RACGAP1: variants seen among roughly 807,000 people sequenced by gnomAD.
The protein encoded by RACGAP1 is rac GTPase-activating protein 1.
RACGAP1 carries 30 observed loss-of-function variants against 78.1 expected under a neutral mutation model. The observed-to-expected ratio is 0.38, with a 90% CI of 0.29 to 0.52. The LOEUF is 0.52. Ranked by LOEUF, RACGAP1 falls within the 20% of genes least tolerant of loss-of-function variation. The pLI is 0.82. For synonymous variants in RACGAP1, 231 were observed against 264.8 expected, an observed-to-expected ratio of 0.87 and a Z score of 1.24; for missense variants, 587 against 777.1, an observed-to-expected ratio of 0.76 and a Z score of 2.91.
At chr12:49,991,670 G>A (rs1345575574) in intron 15 of RACGAP1, among the ~76,000 whole-genome samples, 1 of 150,126 alleles carries the variant, frequency 6.7e-6, no homozygotes, top group African/African-American at 2.4e-5. Flanking sequence ...TGTATTTTTA[G>A]TAGAGATGGG....
intron 3 of RACGAP1, among the ~76,000 whole-genome samples, chr12:50,006,107 A>G (rs1948958956): frequency 6.6e-6 from 1 of 152,220 alleles, no homozygotes; most frequent in African/African-American, 2.4e-5. Context: ...TAAACAATGA[A>G]GGATGGCCAA....
At chr12:50,024,030 G>C (rs1950148069) in intron 1 of RACGAP1, among the ~76,000 whole-genome samples, 1 of 151,922 alleles carries the variant, frequency 6.6e-6, no homozygotes, top group Non-Finnish European at 1.5e-5. Context: ...GCGTGGTGAC[G>C]GGCCCCTATA....
chr12:50,019,514 GTGTAATATAGTTTAAAGCAAAA>G (rs1949878727), intron 1 of RACGAP1, among the ~76,000 whole-genome samples: 2 of 152,048 alleles, frequency 1.3e-5, no homozygotes, highest in African/African-American at 4.8e-5. Flanking sequence ...CAACATCAAC[GTGTAATATAGTTTAAAGCAAAA>G]AGAACAGTTA....
intron 12 of RACGAP1, 78 bp downstream of exon 12, chr12:49,994,053 A>C: frequency 2.2e-6 from 3 of 1,356,412 alleles, no homozygotes; most frequent in Non-Finnish European, 3.0e-6. Context: ...AAAATAAAAA[A>C]TAAATAAAAA....
chr12:49,998,092 G>C (rs1948426272), intron 9 of RACGAP1, among the ~76,000 whole-genome samples: 1 of 152,082 alleles, frequency 6.6e-6, no homozygotes, highest in African/African-American at 2.4e-5. Flanking sequence ...GAAAGAACTT[G>C]TTTACAAAGA....
In RACGAP1 at chr12:49,989,593, C is replaced by G. The variant is rs1202701677; in HGVS notation, c.*675G>C. On this transcript the variant is annotated 3_prime_UTR_variant, in exon 17 of 17. Transcript: ENST00000312377. The stretch of plus-strand genomic sequence containing the variant: ...ACCCAAAGTTCAGCCAGCAGCACAT[C>G]AGAGATAAATACGAGTTGTACTTTC... 1 of 152,154 alleles carries G rather than the reference C, an allele frequency of 6.6e-6. No homozygotes were observed. Among genetic ancestry groups the G allele is most frequent in the Non-Finnish European group, 1.5e-5 (1 of 68,032 alleles). 9.4% of individuals were successfully genotyped at this position (152,154 alleles called of 1,614,324 possible). A position where few individuals can be genotyped will look rare whatever the true frequency, so the allele number is the denominator to read the frequency against.
At chr12:50,009,717 C>T (rs1468076634) in intron 2 of RACGAP1, among the ~76,000 whole-genome samples, 16 of 152,162 alleles carry the variant, frequency 1.1e-4, no homozygotes, top group Admixed American at 1.0e-3. Flanking sequence ...ATCAAACTTA[C>T]CTCCCACCAC....
At chr12:50,015,891 T>C (rs1375076065) in intron 2 of RACGAP1, among the ~76,000 whole-genome samples, 2 of 150,868 alleles carry the variant, frequency 1.3e-5, no homozygotes, top group African/African-American at 2.4e-5. Flanking sequence ...CAGAATGAGA[T>C]TCTTAAAAAA....
At chr12:49,998,717 AGCAAGACCAAGTCTC>A (rs2137330030) in intron 9 of RACGAP1, among the ~76,000 whole-genome samples, 1 of 152,148 alleles carries the variant, frequency 6.6e-6, no homozygotes, top group East Asian at 1.9e-4. Flanking sequence ...TGAGCAACAT[AGCAAGACCAAGTCTC>A]TACAAAAAAT....
rs1193565710 is a variant in RACGAP1, at chr12:49,994,160, C to T, written c.1310G>A (p.Arg437His). ...RNLKEPLLTF[R>H]LNRAFMEAAE... ...TGCTTCCATAAAGGCTCTGTTAAGG[C>T]GAAAGGTCAGAAGAGGTTCTTTGAG... is the stretch of plus-strand genomic sequence containing the variant. Residue 437 changes from arginine to histidine, a missense_variant, in exon 12 of 17, where the codon CGC becomes CAC. Coordinates refer to ENST00000312377, the MANE Select transcript of RACGAP1 (RefSeq NM_001319999.2). 1 of 1,613,156 alleles carries T rather than the reference C, an allele frequency of 6.2e-7. No individual in the cohort carries two copies. Among genetic ancestry groups the T allele is most frequent in the Admixed American group, 1.7e-5 (1 of 60,008 alleles).
At chr12:50,005,606 G>A (rs913021183) in intron 3 of RACGAP1, among the ~76,000 whole-genome samples, 46 of 152,140 alleles carry the variant, frequency 3.0e-4, no homozygotes, top group African/African-American at 1.1e-3. Flanking sequence ...CTAGAACAGC[G>A]AAGTTTCTGC....
intron 1 of RACGAP1, among the ~76,000 whole-genome samples, chr12:50,024,106 A>C (rs956959086): frequency 6.6e-6 from 1 of 152,074 alleles, no homozygotes; most frequent in African/African-American, 2.4e-5. Context: ...GCTTGCAGTG[A>C]GCCGAGATCG....
rs1168971958 is a variant in RACGAP1, at chr12:49,992,621, C to A, written c.1374G>T (p.Met458Ile). The change falls in exon 13 of 17, where the codon ATG becomes ATT. Residue 458 changes from methionine (M) to isoleucine (I), a missense_variant. Physicochemically the swap from Met to Ile is conservative, Grantham distance 10. Transcript: ENST00000312377. Reference sequence around the variant, plus strand: ...GGGGCAGTTCACCAACAGCTTGGTACATGGCAGCTATGCTGTTGTCTTCAT... The same window carrying A: ...GGGGCAGTTCACCAACAGCTTGGTAAATGGCAGCTATGCTGTTGTCTTCAT... ...ITDEDNSIAA[M>I]YQAVGELPQA... 1 of 1,613,952 alleles carries A rather than the reference C, an allele frequency of 6.2e-7. No homozygotes were observed. The highest frequency in any genetic ancestry group is 2.2e-5 in the East Asian group (1 of 44,876).
intron 1 of RACGAP1, among the ~76,000 whole-genome samples, chr12:50,018,981 C>T (rs1051859051): frequency 6.6e-6 from 1 of 152,030 alleles, no homozygotes; most frequent in Non-Finnish European, 1.5e-5. Context: ...CTGTTCTACT[C>T]TTCCTGTTCA....
intron 2 of RACGAP1, among the ~76,000 whole-genome samples, chr12:50,008,168 T>TGAA (rs1555175006): frequency 3.6e-4 from 20 of 56,296 alleles, no homozygotes; most frequent in African/African-American, 2.1e-3. Flanking sequence ...GTGAGAAATG[T>TGAA]GAAAAAAAAA....
chr12:49,993,981 G>A (rs1948078026), intron 12 of RACGAP1, 150 bp downstream of exon 12: 2 of 719,260 alleles, frequency 2.8e-6, no homozygotes, highest in East Asian at 2.9e-5. Flanking sequence ...GGAGACGGAG[G>A]TTGCAGTGAG....
chr12:50,023,496 G>A (rs1004665746), intron 1 of RACGAP1, among the ~76,000 whole-genome samples: 4 of 152,180 alleles, frequency 2.6e-5, no homozygotes, highest in African/African-American at 7.2e-5. Context: ...CATTTTGAGA[G>A]GCCAAGGCAG....
intron 2 of RACGAP1, among the ~76,000 whole-genome samples, chr12:50,009,608 C>T (rs1441832874): frequency 6.6e-6 from 1 of 152,166 alleles, no homozygotes; most frequent in Non-Finnish European, 1.5e-5. Context: ...CTGCCTAGCA[C>T]ACAGTAGACA....
At chr12:50,018,176 A>C (rs1262392437) in intron 1 of RACGAP1, among the ~76,000 whole-genome samples, 1 of 151,760 alleles carries the variant, frequency 6.6e-6, no homozygotes, top group Non-Finnish European at 1.5e-5. Flanking sequence ...AAAAAAAAGA[A>C]TATATAAACA....
Sources: gnomAD v4.1 joint callset for allele counts (sites outside exome capture counted in the v4.1 genomes callset) on GRCh38, gnomAD v4.1.1 for gene constraint, MANE v1.5 for transcripts, NCBI Gene and HGNC (gene_info 2026-07-23, HGNC 2026-07-21) for gene names.